RIMKLA: variants seen among roughly 807,000 people sequenced by gnomAD.
RIMKLA encodes N-acetylaspartylglutamate synthase A.
A neutral mutation model predicts 32.7 loss-of-function variants in RIMKLA; 14 were observed. The observed-to-expected ratio is 0.43, with a 90% CI of 0.28 to 0.67. The LOEUF is 0.67. Among genes scored for constraint, RIMKLA ranks in the 30% least tolerant of loss-of-function variants. The pLI is 0.18. For synonymous variants in RIMKLA, 176 were observed against 204.1 expected (o/e 0.86, Z 1.18); for missense variants, 410 against 519.0 (o/e 0.79, Z 2.04).
intron 1 of RIMKLA, among the ~76,000 whole-genome samples, chr1:42,383,314 G>A (rs561023439): frequency 5.3e-5 from 8 of 152,252 alleles, no homozygotes; most frequent in Admixed American, 2.0e-4. Flanking sequence ...ATCACAAAAC[G>A]TAGAACAAAA....
chr1:42,383,725 G>T (rs1224853397), intron 1 of RIMKLA, among the ~76,000 whole-genome samples: 1 of 152,170 alleles, frequency 6.6e-6, no homozygotes, highest in African/African-American at 2.4e-5. Flanking sequence ...TTCATTTTAC[G>T]AAGAAGAACC....
intron 3 of RIMKLA, among the ~76,000 whole-genome samples, chr1:42,407,503 T>C (rs1643157874): frequency 6.6e-6 from 1 of 152,204 alleles, no homozygotes; most frequent in Admixed American, 6.5e-5. Flanking sequence ...TTTTTATGTA[T>C]GGTATGAGGT....
chr1:42,404,447 G>A, intron 2 of RIMKLA, 64 bp from the exon 3 acceptor site: 1 of 1,080,052 alleles, frequency 9.3e-7, no homozygotes, highest in Non-Finnish European at 1.4e-6. Context: ...AGAGGGGCGG[G>A]GCTGGGGTGA....
chr1:42,395,360 G>GTTT (rs71962302), intron 1 of RIMKLA, among the ~76,000 whole-genome samples: 2 of 138,714 alleles, frequency 1.4e-5, no homozygotes, highest in Non-Finnish European at 3.1e-5. Flanking sequence ...GGTTGTTTTA[G>GTTT]TTTTTTTTTT....
In RIMKLA at chr1:42,381,011, T is replaced by C; in HGVS notation, c.77T>C (p.Leu26Pro). The C allele has an allele frequency of 7.0e-7, 1 of 1,431,316 alleles. No individual in the cohort carries two copies. Among genetic ancestry groups the C allele is most frequent in the Non-Finnish European group, 9.2e-7 (1 of 1,091,362 alleles). The allele number at this position is 1,431,316 out of a possible 1,614,324, so 88.7% of individuals were successfully genotyped here. A position where few individuals can be genotyped will look rare whatever the true frequency, so the allele number is the denominator to read the frequency against. Residue 26 changes from leucine (L) to proline (P), a missense_variant, in exon 1 of 5, where the codon CTC becomes CCC. Physicochemically the swap from Leu to Pro is moderately conservative, Grantham distance 98 (BLOSUM62 -3). Transcript: ENST00000431473. ...CCGCAGGTGCAGATCCTGCGCGCCC[T>C]CCGGCAGCGCTGCTCCGAGCAGGAC... The part of the protein sequence containing the change: ...DYPQVQILRA[L>P]RQRCSEQDVR...
Position 42,381,116 on chromosome 1 carries a change from G to A in RIMKLA, c.163+19G>A. ...CACCTCGGTGAGCGAGGCGGGCCCG[G>A]GGAGGGCAGGGAGGCGCGCCGGGGT... On this transcript the variant is annotated intron_variant, in intron 1 of 4. Coordinates refer to ENST00000431473, the MANE Select transcript of RIMKLA (RefSeq NM_173642.4). The A allele has an allele frequency of 8.0e-7, 1 of 1,242,442 alleles. No individual in the cohort carries two copies. Among genetic ancestry groups the A allele is most frequent in the South Asian group, 3.4e-5 (1 of 29,290 alleles). 77.0% of individuals were successfully genotyped at this position (1,242,442 alleles called of 1,614,324 possible).
chr1:42,407,205 C>A (rs538555162), intron 3 of RIMKLA, among the ~76,000 whole-genome samples: 157 of 152,202 alleles, frequency 1.0e-3, no homozygotes, highest in Non-Finnish European at 1.6e-3. Flanking sequence ...TGCACCCAGC[C>A]GTATAATGTA....
chr1:42,398,622 C>A (rs999391021), intron 1 of RIMKLA, among the ~76,000 whole-genome samples: 7 of 152,052 alleles, frequency 4.6e-5, no homozygotes, highest in African/African-American at 1.7e-4. Flanking sequence ...AATTTTATAT[C>A]CTGTTTTTTC....
chr1:42,423,500 A>G lies in RIMKLA; in HGVS notation c.*8526A>G, dbSNP rs766824444. Among the ~76,000 whole-genome samples, 10 of 152,168 alleles carry G rather than the reference A, an allele frequency of 6.6e-5. No individual in the cohort carries two copies. Among genetic ancestry groups the G allele is most frequent in the Non-Finnish European group, 1.2e-4 (8 of 68,040 alleles). On this transcript the variant is annotated 3_prime_UTR_variant, in exon 5 of 5. Coordinates refer to ENST00000431473, the MANE Select transcript of RIMKLA (RefSeq NM_173642.4). ...ATTTAGCTCCATGGTAGACCAGCGT[A>G]TTTGGTGAGAAAGGAAGTACTTTGG...
intron 1 of RIMKLA, among the ~76,000 whole-genome samples, chr1:42,398,431 GT>G (rs1195862800): frequency 3.3e-5 from 5 of 152,146 alleles, no homozygotes; most frequent in African/African-American, 1.2e-4. Context: ...TTTTCAGAAA[GT>G]TTTTTGTTGT....
At chr1:42,390,116 C>A (rs1642988281) in intron 1 of RIMKLA, among the ~76,000 whole-genome samples, 1 of 149,600 alleles carries the variant, frequency 6.7e-6, no homozygotes, top group South Asian at 2.1e-4. Flanking sequence ...CAGCTCGCCG[C>A]AACCTCTGCC....
intron 1 of RIMKLA, among the ~76,000 whole-genome samples, chr1:42,395,321 T>A (rs961603514): frequency 6.6e-6 from 1 of 152,094 alleles, no homozygotes; most frequent in Non-Finnish European, 1.5e-5. Flanking sequence ...TTTCCACTAA[T>A]ATTTCATTGA....
Position 42,412,642 on chromosome 1 carries a change from T to G in RIMKLA, c.686-1842T>G, listed in dbSNP as rs1643209762. The G allele has an allele frequency of 7.9e-6, 4 of 505,752 alleles. No homozygotes were observed. In the Admixed American group the frequency reaches 8.1e-5, roughly 10 times the overall value. 31.3% of individuals were successfully genotyped at this position (505,752 alleles called of 1,614,324 possible). ...ATTTTCCCAGCTCTGTGATCATCAG[T>G]GATTTCAGATTTGCCAACGTAACTA... On this transcript the variant is annotated intron_variant, in intron 4 of 4. Coordinates refer to ENST00000431473, the MANE Select transcript of RIMKLA (RefSeq NM_173642.4).
In RIMKLA at chr1:42,417,589, A is replaced by T. The variant is rs1643260129; in HGVS notation, c.*2615A>T. 6.6e-6 allele frequency: 1 copy of T among 152,184 alleles called. No homozygotes were observed. Among genetic ancestry groups the T allele is most frequent in the Non-Finnish European group, 1.5e-5 (1 of 68,044 alleles). The allele number at this position is 152,184 out of a possible 1,614,324, so 9.4% of individuals were successfully genotyped here. A position where few individuals can be genotyped will look rare whatever the true frequency, so the allele number is the denominator to read the frequency against. On this transcript the variant is annotated 3_prime_UTR_variant, in exon 5 of 5. Transcript: ENST00000431473. ...CCTCTTTGAAGCTGAAGTAAGTGAG[A>T]CTGGTGCATGTAAATTAATGGTAGT...
At chr1:42,405,415 T>G (rs998786196) in intron 3 of RIMKLA, among the ~76,000 whole-genome samples, 1 of 152,188 alleles carries the variant, frequency 6.6e-6, no homozygotes, top group African/African-American at 2.4e-5. Flanking sequence ...TAGTGCTCAG[T>G]GCATCGCTGG....
At chr1:42,389,389 G>C (rs772971785) in intron 1 of RIMKLA, among the ~76,000 whole-genome samples, 1 of 152,192 alleles carries the variant, frequency 6.6e-6, no homozygotes, top group Non-Finnish European at 1.5e-5. Flanking sequence ...TTAGTGGGCA[G>C]AGTGAGTAGG....
rs1557759371 is a variant in RIMKLA at position 42,414,938 on chromosome 1, TAAC to T, written c.1145_1147del (p.Asn382del). 1.9e-6 allele frequency: 3 copies of T among 1,613,460 alleles called. No homozygotes were observed. The East Asian group carries it at 6.7e-5, about 36-fold the overall frequency. ...TGCTGCCCGAACCTGGCTACAACAT[TAAC>T]AACAGGATTGCTTCTGAGTTAAAAC... On this transcript the variant is annotated inframe_deletion, in exon 5 of 5. Transcript: ENST00000431473.
intron 1 of RIMKLA, among the ~76,000 whole-genome samples, chr1:42,397,892 A>G (rs1643061748): frequency 6.6e-6 from 1 of 152,096 alleles, no homozygotes; most frequent in Non-Finnish European, 1.5e-5. Flanking sequence ...CACCATGGAG[A>G]CCTAGGTAAT....
In RIMKLA at chr1:42,410,019, C is replaced by T. The variant is rs750097478; in HGVS notation, c.517C>T (p.Leu173Phe). 1 of 1,614,062 alleles carries T rather than the reference C, an allele frequency of 6.2e-7. No homozygotes were observed. Among genetic ancestry groups the T allele is most frequent in the South Asian group, 1.1e-5 (1 of 91,082 alleles). ...TTTTCTGGCAAGAGATAAACATCAC[C>T]TCTCTGACATCTGCCATCTGATCCG... The part of the protein sequence containing the change: ...AVFLARDKHH[L>F]SDICHLIRHD... The change falls in exon 4 of 5, where the codon CTC becomes TTC. Residue 173 changes from leucine to phenylalanine, a missense_variant. By Grantham distance (22) the Leu-to-Phe change is conservative. Coordinates refer to ENST00000431473, the MANE Select transcript of RIMKLA (RefSeq NM_173642.4).
Sources: allele counts gnomAD v4.1 joint callset (sites outside exome capture counted in the v4.1 genomes callset), GRCh38; gene constraint gnomAD v4.1.1; transcripts MANE v1.5; gene names NCBI Gene and HGNC (gene_info 2026-07-23, HGNC 2026-07-21).